CMTM8: variants seen among roughly 807,000 people sequenced by gnomAD.
CMTM8 encodes CKLF-like MARVEL transmembrane domain-containing protein 8.
CMTM8 carries 12 observed loss-of-function variants against 18.6 expected under a neutral mutation model. That is an observed-to-expected ratio of 0.65 (90% CI 0.41 to 1.05). The LOEUF (loss-of-function observed/expected upper bound fraction) is 1.05. CMTM8 is among the 50% of genes least tolerant of loss of function. The pLI, the probability that CMTM8 is intolerant of heterozygous loss-of-function variation, is 0.00. For missense variants in CMTM8, 217 were observed against 227.2 expected (o/e 0.95, Z 0.29); for synonymous variants, 87 against 90.6 (o/e 0.96, Z 0.23).
At chr3:32,248,281 A>G (rs916985474) in intron 1 of CMTM8, among the ~76,000 whole-genome samples, 1 of 152,228 alleles carries the variant, frequency 6.6e-6, no homozygotes, top group Non-Finnish European at 1.5e-5. Context: ...TACTGCCATC[A>G]TAACAAAATG....
At chr3:32,250,623 A>C (rs771973650) in intron 1 of CMTM8, among the ~76,000 whole-genome samples, 3 of 151,990 alleles carry the variant, frequency 2.0e-5, no homozygotes, top group Non-Finnish European at 4.4e-5. Flanking sequence ...TTTATTTCTA[A>C]GTATTTTATT....
chr3:32,306,559 G>A (rs1266208740), intron 1 of CMTM8, among the ~76,000 whole-genome samples: 1 of 152,182 alleles, frequency 6.6e-6, no homozygotes, highest in Non-Finnish European at 1.5e-5. Context: ...TTCCAACTCT[G>A]GAAGCTGTGA....
chr3:32,341,435 G>A (rs1435485339), intron 1 of CMTM8, among the ~76,000 whole-genome samples: 1 of 152,130 alleles, frequency 6.6e-6, no homozygotes, highest in African/African-American at 2.4e-5. Flanking sequence ...TTTTTTTAAG[G>A]TATTAATCAC....
At chr3:32,256,194 G>C (rs1702172207) in intron 1 of CMTM8, among the ~76,000 whole-genome samples, 2 of 151,850 alleles carry the variant, frequency 1.3e-5, no homozygotes. Context: ...AGCCTCCTGT[G>C]CAGGTGGGAT....
chr3:32,339,987 G>A (rs775675672), intron 1 of CMTM8, among the ~76,000 whole-genome samples: 12 of 152,028 alleles, frequency 7.9e-5, no homozygotes, highest in Non-Finnish European at 1.5e-4. Context: ...TAAATAAAAA[G>A]AACTTTGCAG....
intron 1 of CMTM8, among the ~76,000 whole-genome samples, chr3:32,345,227 C>A (rs1193454874): frequency 6.6e-6 from 1 of 152,094 alleles, no homozygotes; most frequent in Non-Finnish European, 1.5e-5. Context: ...CACCTACTTA[C>A]ACTTGTAGTC....
At chr3:32,337,372 C>A (rs542597467) in intron 1 of CMTM8, among the ~76,000 whole-genome samples, 28 of 152,216 alleles carry the variant, frequency 1.8e-4, no homozygotes, top group Admixed American at 3.3e-4. Context: ...GGAATATCAC[C>A]AAATCCAATC....
chr3:32,306,892 G>T (rs771245602), intron 1 of CMTM8, among the ~76,000 whole-genome samples: 5 of 152,210 alleles, frequency 3.3e-5, no homozygotes, highest in Non-Finnish European at 5.9e-5. Context: ...GGCCAGCTGA[G>T]AATCTGAATT....
chr3:32,365,444 CTTTG>C (rs58691788), intron 2 of CMTM8, among the ~76,000 whole-genome samples: 1 of 151,332 alleles, frequency 6.6e-6, no homozygotes, highest in Non-Finnish European at 1.5e-5. Context: ...TTTGGTTGTT[CTTTG>C]TTTGTTTTTG....
At chr3:32,332,034 A>ACG (rs147241826) in intron 1 of CMTM8, among the ~76,000 whole-genome samples, 1 of 143,866 alleles carries the variant, frequency 7.0e-6, no homozygotes, top group Non-Finnish European at 1.5e-5. Context: ...TTTTGACCAC[A>ACG]CGCGCACACA....
chr3:32,342,841 C>T (rs1696525929), intron 1 of CMTM8, among the ~76,000 whole-genome samples: 1 of 152,234 alleles, frequency 6.6e-6, no homozygotes, highest in African/African-American at 2.4e-5. Flanking sequence ...CTCGCAAGCA[C>T]TCTTGTGCAT....
At chr3:32,352,357 G>A (rs905806108) in intron 1 of CMTM8, among the ~76,000 whole-genome samples, 4 of 152,210 alleles carry the variant, frequency 2.6e-5, no homozygotes, top group Admixed American at 2.0e-4. Flanking sequence ...CTATTCATCA[G>A]TGGTTCTTCA....
chr3:32,361,286 G>GTTTTTTTTT, intron 2 of CMTM8, among the ~76,000 whole-genome samples: 1 of 87,270 alleles, frequency 1.1e-5, no homozygotes, highest in African/African-American at 4.0e-5. Context: ...CAGCCTAAGA[G>GTTTTTTTTT]TTTTTTTTTC....
At chr3:32,282,069 T>G (rs1327773373) in intron 1 of CMTM8, among the ~76,000 whole-genome samples, 2 of 152,138 alleles carry the variant, frequency 1.3e-5, no homozygotes, top group Admixed American at 6.5e-5. Flanking sequence ...CAGCCTAGAC[T>G]TCTCCCCTGG....
At chr3:32,254,924 C>G (rs1231731573) in intron 1 of CMTM8, among the ~76,000 whole-genome samples, 1 of 152,196 alleles carries the variant, frequency 6.6e-6, no homozygotes, top group Non-Finnish European at 1.5e-5. Flanking sequence ...AATCCTCCCT[C>G]CACCATCCCT....
chr3:32,332,036 G>GCA (rs140552228), intron 1 of CMTM8, among the ~76,000 whole-genome samples: 26,205 of 150,970 alleles, frequency 0.17, 2,348 homozygotes, highest in South Asian at 0.26. Flanking sequence ...TTGACCACAC[G>GCA]CGCACACACA....
chr3:32,285,049 A>G (rs1375349992), intron 1 of CMTM8, among the ~76,000 whole-genome samples: 3 of 152,212 alleles, frequency 2.0e-5, no homozygotes, highest in African/African-American at 4.8e-5. Context: ...ACCTGGTTCA[A>G]GAGCAAATGG....
chr3:32,289,307 G>A (rs1702740741), intron 1 of CMTM8, among the ~76,000 whole-genome samples: 1 of 152,182 alleles, frequency 6.6e-6, no homozygotes, highest in South Asian at 2.1e-4. Flanking sequence ...AACACTATGT[G>A]TGCTAAACAA....
rs1322752438 is a variant in CMTM8 at position 32,358,457 on chromosome 3, T to G, written c.321+911T>G. On this transcript the variant is annotated intron_variant, in intron 2 of 3. Transcript: ENST00000307526. The surrounding 1 kb of genome is among the most constrained non-coding windows in gnomAD (Gnocchi z 4.1). ...GAGCTCTCCAGTGATACTATTTTTT[T>G]GTCTGTTTTCAACCAATATGTGAGA... Among the ~76,000 whole-genome samples, 3 of 152,218 alleles carry G rather than the reference T, an allele frequency of 2.0e-5. No individual in the cohort carries two copies. Among genetic ancestry groups the G allele is most frequent in the African/African-American group, 7.2e-5 (3 of 41,432 alleles).
Sources: allele counts gnomAD v4.1 joint callset (sites outside exome capture counted in the v4.1 genomes callset), GRCh38; gene constraint gnomAD v4.1.1; non-coding constraint Gnocchi (gnomAD v3.1); transcripts MANE v1.5; gene names NCBI Gene and HGNC (gene_info 2026-07-23, HGNC 2026-07-21).